Variants in PRKCA observed in about 807,000 individuals in gnomAD.
PRKCA encodes the protein protein kinase C alpha type.
Under a neutral mutation model 87.0 loss-of-function variants are expected in PRKCA, and 27 were observed. The ratio of observed to expected loss-of-function variants is 0.31; its 90% CI spans 0.23 to 0.43. PRKCA has a LOEUF of 0.43. Among genes scored for constraint, PRKCA ranks in the 20% least tolerant of loss-of-function variants. The pLI, the probability that PRKCA is intolerant of heterozygous loss-of-function variation, is 1.00. For missense variants in PRKCA, 518 were observed against 852.3 expected, an observed-to-expected ratio of 0.61 and a Z score of 4.88; for synonymous variants, 329 against 311.1, an observed-to-expected ratio of 1.06 and a Z score of -0.61.
chr17:66,488,944 T>C (rs1173344359), intron 2 of PRKCA, among the ~76,000 whole-genome samples: 3 of 152,188 alleles, frequency 2.0e-5, no homozygotes, highest in African/African-American at 7.2e-5. Flanking sequence ...CACTTTTTCA[T>C]TACTTTCCCT....
chr17:66,519,725 G>C (rs369204586), intron 3 of PRKCA, among the ~76,000 whole-genome samples: 2 of 152,164 alleles, frequency 1.3e-5, no homozygotes, highest in African/African-American at 4.8e-5. Flanking sequence ...CTCAGCATCA[G>C]TATCACCTGG....
chr17:66,356,861 T>C (rs1447483297), intron 2 of PRKCA, among the ~76,000 whole-genome samples: 1 of 152,082 alleles, frequency 6.6e-6, no homozygotes, highest in Non-Finnish European at 1.5e-5. Context: ...CTCAGGTGAT[T>C]CTCCCACCTT....
chr17:66,386,044 G>A (rs1392736224), intron 2 of PRKCA, among the ~76,000 whole-genome samples: 1 of 151,786 alleles, frequency 6.6e-6, no homozygotes, highest in Non-Finnish European at 1.5e-5. Flanking sequence ...ACAGGTGAGA[G>A]CCACCGCGCC....
chr17:66,621,276 T>C (rs776565671), intron 3 of PRKCA, among the ~76,000 whole-genome samples: 6 of 152,250 alleles, frequency 3.9e-5, no homozygotes, highest in Non-Finnish European at 7.3e-5. Flanking sequence ...TTGTCAACAC[T>C]GTAATTCTTG....
intron 2 of PRKCA, among the ~76,000 whole-genome samples, chr17:66,339,451 C>A (rs1360423583): frequency 6.6e-6 from 1 of 152,058 alleles, no homozygotes; most frequent in South Asian, 2.1e-4. Flanking sequence ...ATTTTTTTAA[C>A]CACTCTGAAG....
In PRKCA at chr17:66,413,131, C is replaced by T. The variant is rs999051293; in HGVS notation, c.206-83070C>T. On this transcript the variant is annotated intron_variant, in intron 2 of 16. Coordinates refer to ENST00000413366, the MANE Select transcript of PRKCA (RefSeq NM_002737.3). ...TACTGCTTCTCTCCTCAGATGCCAACGTAAATCGCCAGATTGTGACCTGTG... is the reference window on the plus strand; with the variant it reads ...TACTGCTTCTCTCCTCAGATGCCAATGTAAATCGCCAGATTGTGACCTGTG... 4.6e-5 allele frequency among the ~76,000 whole-genome samples: 7 copies of T among 152,322 alleles called. No homozygotes were observed. In the East Asian group the frequency reaches 5.8e-4, roughly 13 times the overall value.
chr17:66,485,791 A>G (rs915018441), intron 2 of PRKCA, among the ~76,000 whole-genome samples: 23 of 152,186 alleles, frequency 1.5e-4, no homozygotes, highest in Admixed American at 1.2e-3. Flanking sequence ...GGCAGAGCAT[A>G]CAGTCCCAAA....
intron 16 of PRKCA, among the ~76,000 whole-genome samples, chr17:66,795,055 T>C (rs115530347): frequency 1.2e-3 from 181 of 152,314 alleles, no homozygotes; most frequent in African/African-American, 4.1e-3. Context: ...TATATACTTA[T>C]TTTTTTCTGA....
intron 2 of PRKCA, among the ~76,000 whole-genome samples, chr17:66,312,126 T>C (rs1190528540): frequency 1.3e-5 from 2 of 152,142 alleles, no homozygotes; most frequent in Non-Finnish European, 2.9e-5. Flanking sequence ...GGATTACAGA[T>C]GCATGCCACC....
rs1320406707 is a variant in PRKCA, at chr17:66,713,048, C to G, written c.919-19640C>G. Among the ~76,000 whole-genome samples the G allele has an allele frequency of 1.1e-4, 10 of 87,276 alleles. No individual in the cohort carries two copies. In the East Asian group the frequency reaches 2.5e-3, roughly 22 times the overall value. 57.3% of individuals were successfully genotyped at this position (87,276 alleles called of 152,430 possible). ...CAAGTTAAAGTGAACCCTTTGTTGTCCTTTTTTTTTTTTTTTTTTTTGAGA... is the reference window on the plus strand; with the variant it reads ...CAAGTTAAAGTGAACCCTTTGTTGTGCTTTTTTTTTTTTTTTTTTTTGAGA... On this transcript the variant is annotated intron_variant, in intron 8 of 16. Coordinates refer to ENST00000413366, the MANE Select transcript of PRKCA (RefSeq NM_002737.3).
At chr17:66,588,781 C>T (rs1969701998) in intron 3 of PRKCA, among the ~76,000 whole-genome samples, 1 of 151,500 alleles carries the variant, frequency 6.6e-6, no homozygotes, top group Non-Finnish European at 1.5e-5. Flanking sequence ...ACTGGGATTA[C>T]AGGCACCCAC....
In PRKCA at chr17:66,592,798, T is replaced by G. The variant is rs866459661; in HGVS notation, c.289-48557T>G. 2.1e-4 allele frequency among the ~76,000 whole-genome samples: 32 copies of G among 152,360 alleles called. 1 individual carries two copies. The highest frequency in any genetic ancestry group is 9.1e-4 in the Admixed American group (14 of 15,306). ...ACATCGATTCATTTTTATTTATTTA[T>G]TTTTTATTTTTTGAGACAAAGTCTC... On this transcript the variant is annotated intron_variant, in intron 3 of 16. Transcript: ENST00000413366.
At chr17:66,729,186 TG>T (rs1375225563) in intron 8 of PRKCA, among the ~76,000 whole-genome samples, 2 of 152,034 alleles carry the variant, frequency 1.3e-5, no homozygotes, top group Admixed American at 1.3e-4. Context: ...CCGAGGCAGA[TG>T]GATCAGGAGT....
rs1225010110 is a variant in PRKCA at position 66,548,569 on chromosome 17, G to C, written c.288+52286G>C. ...AGATAGGTGATCTGGTGTCCTGAGT[G>C]GTGGCCCTCTCTCATGCATATCTGT... On this transcript the variant is annotated intron_variant, in intron 3 of 16. Coordinates refer to ENST00000413366, the MANE Select transcript of PRKCA (RefSeq NM_002737.3). Among the ~76,000 whole-genome samples the C allele has an allele frequency of 4.6e-5, 7 of 152,182 alleles. No homozygotes were observed. In the East Asian group the frequency reaches 1.4e-3, roughly 29 times the overall value.
chr17:66,550,674 C>T lies in PRKCA; in HGVS notation c.288+54391C>T, dbSNP rs1478916084. Reference sequence around the variant, plus strand: ...AAAATCAATCAATCAATCAATAAGGCTCTGGGAATAGAAATGGGAAAGATT... The same window carrying T: ...AAAATCAATCAATCAATCAATAAGGTTCTGGGAATAGAAATGGGAAAGATT... On this transcript the variant is annotated intron_variant, in intron 3 of 16. Coordinates refer to ENST00000413366, the MANE Select transcript of PRKCA (RefSeq NM_002737.3). 2.0e-5 allele frequency among the ~76,000 whole-genome samples: 3 copies of T among 152,016 alleles called. No homozygotes were observed. In the East Asian group the frequency reaches 5.8e-4, roughly 29 times the overall value.
chr17:66,451,093 G>T (rs1159348486), intron 2 of PRKCA, among the ~76,000 whole-genome samples: 1 of 152,174 alleles, frequency 6.6e-6, no homozygotes, highest in Non-Finnish European at 1.5e-5. Context: ...GTGGATCTCT[G>T]TTCTCTCTTT....
rs1478285236 is a variant in PRKCA at position 66,806,709 on chromosome 17, A to G, written c.*2672A>G. 6.6e-6 allele frequency: 1 copy of G among 152,142 alleles called. No individual in the cohort carries two copies. The highest frequency in any genetic ancestry group is 6.5e-5 in the Admixed American group (1 of 15,284). The allele number at this position is 152,142 out of a possible 1,614,324, so 9.4% of individuals were successfully genotyped here. On this transcript the variant is annotated 3_prime_UTR_variant, in exon 17 of 17. Coordinates refer to ENST00000413366, the MANE Select transcript of PRKCA (RefSeq NM_002737.3). ...AGGCTTAGGCCTTCCCTGCAACCCC[A>G]ACACCCACAAGTTTGTTTCTCTAGG...
intron 3 of PRKCA, among the ~76,000 whole-genome samples, chr17:66,618,495 G>A (rs1007621180): frequency 6.6e-6 from 1 of 151,932 alleles, no homozygotes. Flanking sequence ...AACATTAACT[G>A]TTTTGGGGCC....
chr17:66,517,970 T>C (rs1967024712), intron 3 of PRKCA, among the ~76,000 whole-genome samples: 1 of 151,960 alleles, frequency 6.6e-6, no homozygotes, highest in Non-Finnish European at 1.5e-5. Context: ...CTTATTGAAA[T>C]AGAATAACCA....
Sources: allele counts gnomAD v4.1 joint callset (sites outside exome capture counted in the v4.1 genomes callset), GRCh38; gene constraint gnomAD v4.1.1; transcripts MANE v1.5; gene names NCBI Gene and HGNC (gene_info 2026-07-23, HGNC 2026-07-21).